The following KIF6 variants were observed in gnomAD, a reference collection of about 807,000 sequenced individuals.
KIF6 encodes kinesin-like protein KIF6.
Under a neutral mutation model 112.7 loss-of-function variants are expected in KIF6, and 106 were observed. The ratio of observed to expected loss-of-function variants is 0.94; its 90% confidence interval spans 0.80 to 1.11. KIF6 has a LOEUF of 1.11. Among genes scored for constraint, KIF6 ranks in the 50% least tolerant of loss-of-function variants. The pLI is 0.00. For missense variants in KIF6, 929 were observed against 964.0 expected, an observed-to-expected ratio of 0.96 and a Z score of 0.48; for synonymous variants, 339 against 339.9, an observed-to-expected ratio of 1.00 and a Z score of 0.03.
At chr6:39,626,987 T>C (rs1440849648) in intron 5 of KIF6, among the ~76,000 whole-genome samples, 1 of 152,138 alleles carries the variant, frequency 6.6e-6, no homozygotes, top group Non-Finnish European at 1.5e-5. Context: ...TCCTACACAC[T>C]ACTAACTGAT....
chr6:39,484,254 T>C (rs1035888895), intron 13 of KIF6, among the ~76,000 whole-genome samples: 1 of 152,170 alleles, frequency 6.6e-6, no homozygotes, highest in African/African-American at 2.4e-5. Context: ...ATTAACAAAT[T>C]AGACCCACAA....
At chr6:39,422,786 T>A (rs1352113025) in intron 14 of KIF6, among the ~76,000 whole-genome samples, 1 of 152,138 alleles carries the variant, frequency 6.6e-6, no homozygotes, top group Non-Finnish European at 1.5e-5. Flanking sequence ...CTCCCTTTCC[T>A]CCTGCCCCTC....
intron 16 of KIF6, among the ~76,000 whole-genome samples, chr6:39,369,742 A>G (rs1167507755): frequency 6.6e-6 from 1 of 152,188 alleles, no homozygotes; most frequent in Non-Finnish European, 1.5e-5. Flanking sequence ...CTAGGGCCAT[A>G]CACCATACAC....
At chr6:39,646,420 T>G (rs2150780902) in intron 3 of KIF6, among the ~76,000 whole-genome samples, 2 of 152,188 alleles carry the variant, frequency 1.3e-5, no homozygotes, top group African/African-American at 4.8e-5. Context: ...CCCTCCAAGG[T>G]ATTTCTGAAA....
chr6:39,435,376 A>T (rs1212219065), intron 13 of KIF6, among the ~76,000 whole-genome samples: 1 of 152,266 alleles, frequency 6.6e-6, no homozygotes, highest in African/African-American at 2.4e-5. Flanking sequence ...GCAGGTATTT[A>T]AAAAAATTTT....
At chr6:39,445,123 A>T (rs1772223352) in intron 13 of KIF6, among the ~76,000 whole-genome samples, 1 of 152,240 alleles carries the variant, frequency 6.6e-6, no homozygotes, top group Non-Finnish European at 1.5e-5. Flanking sequence ...TCTTTCCCCA[A>T]TCTGTACAGC....
chr6:39,497,402 G>A (rs1301120684), intron 13 of KIF6, among the ~76,000 whole-genome samples: 1 of 152,214 alleles, frequency 6.6e-6, no homozygotes, highest in Non-Finnish European at 1.5e-5. Context: ...GGCCGTAAGA[G>A]TTTCAGGCTT....
At chr6:39,351,454 C>A (rs371107589) in intron 19 of KIF6, among the ~76,000 whole-genome samples, 132 of 152,146 alleles carry the variant, frequency 8.7e-4, no homozygotes, top group African/African-American at 3.1e-3. Context: ...GGGGTTTCAC[C>A]TTGTTGCCCA....
intron 15 of KIF6, among the ~76,000 whole-genome samples, chr6:39,402,654 A>C (rs1768793455): frequency 6.6e-6 from 1 of 152,130 alleles, no homozygotes; most frequent in South Asian, 2.1e-4. Flanking sequence ...TACTCCACCA[A>C]CGAGGCCTGA....
At chr6:39,656,527 T>C (rs1785792824) in intron 3 of KIF6, among the ~76,000 whole-genome samples, 1 of 152,238 alleles carries the variant, frequency 6.6e-6, no homozygotes, top group African/African-American at 2.4e-5. Flanking sequence ...CACATGAGGC[T>C]TTCCATAACC....
chr6:39,609,921 T>A (rs991120616), intron 6 of KIF6, among the ~76,000 whole-genome samples: 2 of 152,212 alleles, frequency 1.3e-5, no homozygotes, highest in African/African-American at 4.8e-5. Context: ...AGAAACTGCA[T>A]CATTTAATTA....
intron 3 of KIF6, among the ~76,000 whole-genome samples, chr6:39,713,703 A>C (rs1001380799): frequency 6.6e-6 from 1 of 152,262 alleles, no homozygotes; most frequent in Non-Finnish European, 1.5e-5. Context: ...CTTGAATTTC[A>C]TCTAAAGAGG....
At chr6:39,703,639 A>G (rs952230018) in intron 3 of KIF6, among the ~76,000 whole-genome samples, 4 of 152,200 alleles carry the variant, frequency 2.6e-5, no homozygotes, top group Non-Finnish European at 5.9e-5. Flanking sequence ...TAAGGCTCAA[A>G]TTCACTGACA....
intron 5 of KIF6, among the ~76,000 whole-genome samples, chr6:39,623,762 G>A (rs1189833142): frequency 1.3e-5 from 2 of 152,126 alleles, no homozygotes; most frequent in Non-Finnish European, 2.9e-5. Context: ...TCACACATAG[G>A]CTAACTGCTA....
chr6:39,482,116 C>T (rs1225010108), intron 13 of KIF6, among the ~76,000 whole-genome samples: 2 of 152,026 alleles, frequency 1.3e-5, no homozygotes, highest in Non-Finnish European at 2.9e-5. Context: ...TAAGAAGATG[C>T]TTTCCAGGTC....
chr6:39,398,708 C>A (rs917793944), intron 15 of KIF6, among the ~76,000 whole-genome samples: 33 of 152,286 alleles, frequency 2.2e-4, no homozygotes, highest in African/African-American at 7.7e-4. Flanking sequence ...AAACACAGAT[C>A]GGGTGCTTCT....
Position 39,714,744 on chromosome 6 carries a change from C to A in KIF6, c.199G>T (p.Asp67Tyr). Residue 67 changes from aspartate to tyrosine, a missense_variant, in exon 3 of 23, where the codon GAT becomes TAT. Coordinates refer to ENST00000287152, the MANE Select transcript of KIF6 (RefSeq NM_145027.6). Reference sequence around the variant, plus strand: ...TCAAAAACGGTCTCTTGGTTTGCATCCTGATCAAAAATTCTTTGAAATCTG... The same window carrying A: ...TCAAAAACGGTCTCTTGGTTTGCATACTGATCAAAAATTCTTTGAAATCTG... ...KFKFQRIFDQ[D>Y]ANQETVFENI... 6.2e-7 allele frequency: 1 copy of A among 1,612,994 alleles called. No homozygotes were observed. Among genetic ancestry groups the A allele is most frequent in the Non-Finnish European group, 8.5e-7 (1 of 1,179,152 alleles).
intron 2 of KIF6, among the ~76,000 whole-genome samples, chr6:39,717,608 T>C (rs961743314): frequency 6.6e-6 from 1 of 152,162 alleles, no homozygotes; most frequent in African/African-American, 2.4e-5. Flanking sequence ...CTGACGTACA[T>C]TTTGCTTACT....
At chr6:39,679,819 G>T (rs112131501) in intron 3 of KIF6, among the ~76,000 whole-genome samples, 1 of 150,884 alleles carries the variant, frequency 6.6e-6, no homozygotes, top group African/African-American at 2.4e-5. Context: ...GGGTTTCACC[G>T]TGTTAGCCAG....
Sources: allele counts gnomAD v4.1 joint callset (sites outside exome capture counted in the v4.1 genomes callset), GRCh38; gene constraint gnomAD v4.1.1; transcripts MANE v1.5; gene names NCBI Gene and HGNC (gene_info 2026-07-23, HGNC 2026-07-21).